The following GOLM2 variants were observed in gnomAD, a reference collection of about 807,000 sequenced individuals.
The protein encoded by GOLM2 is protein GOLM2.
Under a neutral mutation model 55.9 loss-of-function variants are expected in GOLM2, and 26 were observed. The ratio of observed to expected loss-of-function variants is 0.47; its 90% confidence interval spans 0.34 to 0.65. The LOEUF (loss-of-function observed/expected upper bound fraction) is 0.65. GOLM2 is among the 30% of genes least tolerant of loss of function. The probability of loss-of-function intolerance (pLI) is 0.01; values close to 1 mark genes in which losing one functional copy is unlikely to be tolerated. For synonymous variants in GOLM2, 165 were observed against 194.6 expected, an observed-to-expected ratio of 0.85 and a Z score of 1.27; for missense variants, 486 against 531.8, an observed-to-expected ratio of 0.91 and a Z score of 0.85.
Position 44,368,822 on chromosome 15 carries a change from TTC to T in GOLM2, c.803-10866_803-10865del, listed in dbSNP as rs1236155278. ...ACAAGTGGATCACCTCTCCGTTTGT[TTC>T]TGTTGATTCCTTTTTTTCTTGATTG... On this transcript the variant is annotated intron_variant, in intron 6 of 9. Transcript: ENST00000299957. Among the ~76,000 whole-genome samples, 12 of 151,006 alleles carry T rather than the reference TTC, an allele frequency of 7.9e-5. No homozygotes were observed. The East Asian group carries it at 2.1e-3, about 27-fold the overall frequency.
intron 1 of GOLM2, among the ~76,000 whole-genome samples, chr15:44,300,246 G>T (rs912047248): frequency 6.6e-6 from 1 of 151,734 alleles, no homozygotes; most frequent in Non-Finnish European, 1.5e-5. Flanking sequence ...AGAAAGAAAA[G>T]AAAGGAAGAA....
chr15:44,292,188 T>C (rs1595609111), intron 1 of GOLM2, among the ~76,000 whole-genome samples: 1 of 140,098 alleles, frequency 7.1e-6, no homozygotes, highest in African/African-American at 3.1e-5. Flanking sequence ...TACATACATA[T>C]ATATATATAT....
At chr15:44,378,674 T>C (rs1300614363) in intron 6 of GOLM2, among the ~76,000 whole-genome samples, 1 of 152,146 alleles carries the variant, frequency 6.6e-6, no homozygotes, top group Non-Finnish European at 1.5e-5. Flanking sequence ...TTACCTAACT[T>C]GTGTCAATTT....
intron 1 of GOLM2, among the ~76,000 whole-genome samples, chr15:44,298,179 A>G (rs1482635690): frequency 4.0e-5 from 6 of 148,726 alleles, no homozygotes; most frequent in Non-Finnish European, 9.0e-5. Context: ...TATTCTACCA[A>G]TCTTTTATCC....
intron 9 of GOLM2, among the ~76,000 whole-genome samples, chr15:44,407,109 AT>A (rs941827701): frequency 1.4e-4 from 21 of 146,292 alleles, no homozygotes; most frequent in Admixed American, 2.1e-4. Context: ...ATGTTTGCAT[AT>A]TTATAATATA....
At chr15:44,336,770 G>T (rs933165721) in intron 4 of GOLM2, among the ~76,000 whole-genome samples, 2 of 151,922 alleles carry the variant, frequency 1.3e-5, no homozygotes, top group Non-Finnish European at 2.9e-5. Flanking sequence ...CAAAAAATTA[G>T]CCGGGTGTGG....
intron 9 of GOLM2, among the ~76,000 whole-genome samples, chr15:44,408,859 G>C (rs1376690749): frequency 6.6e-6 from 1 of 152,208 alleles, no homozygotes; most frequent in Non-Finnish European, 1.5e-5. Flanking sequence ...AGCTACTGGG[G>C]AGCCTGAGGC....
chr15:44,376,189 G>A (rs778924959), intron 6 of GOLM2, among the ~76,000 whole-genome samples: 1 of 152,062 alleles, frequency 6.6e-6, no homozygotes, highest in Admixed American at 6.5e-5. Flanking sequence ...AGCCGAGATC[G>A]CGCCATTGCA....
intron 4 of GOLM2, among the ~76,000 whole-genome samples, chr15:44,334,000 G>A (rs985593038): frequency 2.6e-5 from 4 of 152,040 alleles, no homozygotes; most frequent in Non-Finnish European, 4.4e-5. Flanking sequence ...CAGGCGTGAG[G>A]CACCACGCCC....
chr15:44,328,817 G>T (rs778997354), intron 3 of GOLM2, 30 bp downstream of exon 3: 2 of 1,409,114 alleles, frequency 1.4e-6, no homozygotes, highest in African/African-American at 1.5e-5. Context: ...ATATGTTTAT[G>T]AATCTAAAAT....
At chr15:44,354,611 C>A (rs2079185937) in intron 6 of GOLM2, 1 of 152,286 alleles carries the variant, frequency 6.6e-6, no homozygotes, top group African/African-American at 2.4e-5. Flanking sequence ...AAGATAGGCT[C>A]TCTGTTCCTT....
chr15:44,381,957 C>G (rs936378511), intron 8 of GOLM2: 1 of 151,922 alleles, frequency 6.6e-6, no homozygotes, highest in Non-Finnish European at 1.5e-5. Context: ...CCAGCCTATT[C>G]AAGGTATTTT....
rs140428194 is a variant in GOLM2, at chr15:44,405,967, G to A, written c.1240+2913G>A. ...TATTATTAACTGTCCAAAAAGTAGG[G>A]AGAGGTAATTATGGCTGTTCCCTAA... On this transcript the variant is annotated intron_variant, in intron 9 of 9. Transcript: ENST00000299957. 2.0e-3 allele frequency among the ~76,000 whole-genome samples: 297 copies of A among 152,270 alleles called. 1 individual carries two copies. The highest frequency in any genetic ancestry group is 6.8e-3 in the African/African-American group (281 of 41,552).
rs542280105 is a variant in GOLM2 at position 44,358,952 on chromosome 15, C to T, written c.802+20635C>T. Among the ~76,000 whole-genome samples, 684 of 151,800 alleles carry T rather than the reference C, an allele frequency of 4.5e-3. 4 individuals carry two copies. Among genetic ancestry groups the T allele is most frequent in the African/African-American group, 0.016 (646 of 41,380 alleles). On this transcript the variant is annotated intron_variant, in intron 6 of 9. Coordinates refer to ENST00000299957, the MANE Select transcript of GOLM2 (RefSeq NM_138423.4). ...CAGGCAGATCACGAGGTCAGGAGAT[C>T]GAGACCATCCTGGCTAACATGGTGA...
At chr15:44,368,729 A>G (rs1032966028) in intron 6 of GOLM2, among the ~76,000 whole-genome samples, 3 of 151,474 alleles carry the variant, frequency 2.0e-5, no homozygotes, top group African/African-American at 7.3e-5. Flanking sequence ...ATATACACAC[A>G]TATATATACA....
intron 6 of GOLM2, among the ~76,000 whole-genome samples, chr15:44,341,283 T>C (rs2141149574): frequency 6.6e-6 from 1 of 152,140 alleles, no homozygotes; most frequent in East Asian, 1.9e-4. Flanking sequence ...GGTTTCACCA[T>C]GTTAGCCAGG....
At chr15:44,324,293 A>G (rs995682671) in intron 2 of GOLM2, among the ~76,000 whole-genome samples, 96 of 152,222 alleles carry the variant, frequency 6.3e-4, no homozygotes, top group Non-Finnish European at 1.6e-4. Context: ...GTTACTGAGT[A>G]AAAATCTTTA....
chr15:44,366,302 A>G (rs1226433188), intron 6 of GOLM2, among the ~76,000 whole-genome samples: 1 of 151,242 alleles, frequency 6.6e-6, no homozygotes, highest in Non-Finnish European at 1.5e-5. Context: ...GTCTCAAAAA[A>G]AAAAAAAAAA....
At chr15:44,310,489 T>TACAC (rs1352234793) in intron 1 of GOLM2, among the ~76,000 whole-genome samples, 4 of 131,978 alleles carry the variant, frequency 3.0e-5, no homozygotes, top group African/African-American at 1.0e-4. Context: ...TATATATATA[T>TACAC]ACACACACAC....
Sources: gnomAD v4.1 joint callset for allele counts (sites outside exome capture counted in the v4.1 genomes callset) on GRCh38, gnomAD v4.1.1 for gene constraint, MANE v1.5 for transcripts, NCBI Gene and HGNC (gene_info 2026-07-23, HGNC 2026-07-21) for gene names.